Variants in CAMSAP2 observed in about 807,000 individuals in gnomAD.
CAMSAP2 encodes the protein calmodulin-regulated spectrin-associated protein 2.
In CAMSAP2, 26 loss-of-function variants were observed where a neutral mutation model predicts 146.1. That is an observed-to-expected ratio of 0.18 (90% CI 0.13 to 0.25). The LOEUF (loss-of-function observed/expected upper bound fraction) is 0.25. Ranked by LOEUF, CAMSAP2 falls within the 10% of genes least tolerant of loss-of-function variation. The pLI is 1.00. For synonymous variants in CAMSAP2, 499 were observed against 596.6 expected, an observed-to-expected ratio of 0.84 and a Z score of 2.38; for missense variants, 1,381 against 1,759.3, an observed-to-expected ratio of 0.78 and a Z score of 3.85.
chr1:200,753,154 C>T (rs547056291), intron 1 of CAMSAP2, among the ~76,000 whole-genome samples: 27 of 151,896 alleles, frequency 1.8e-4, no homozygotes, highest in Admixed American at 3.3e-4. Flanking sequence ...GCCTGTAGTT[C>T]CAGTTACTTG....
Position 200,853,139 on chromosome 1 carries a change from G to A in CAMSAP2, c.3603-136G>A. On this transcript the variant is annotated intron_variant, in intron 12 of 16. Transcript: ENST00000358823. The surrounding 1 kb of genome is among the most constrained non-coding windows in gnomAD (Gnocchi z 5.1). ...TCCCATGTCTCAGCAGAATCGTCAA[G>A]TACCTTTTAAATGAACCATTTATTC... The A allele has an allele frequency of 1.1e-5, 8 of 745,372 alleles. No homozygotes were observed. In the South Asian group the frequency reaches 1.3e-4, roughly 12 times the overall value. 46.2% of individuals were successfully genotyped at this position (745,372 alleles called of 1,614,324 possible). A position where few individuals can be genotyped will look rare whatever the true frequency, so the allele number is the denominator to read the frequency against.
At chr1:200,816,200 A>G (rs549183081) in intron 4 of CAMSAP2, among the ~76,000 whole-genome samples, 1 of 152,196 alleles carries the variant, frequency 6.6e-6, no homozygotes, top group South Asian at 2.1e-4. Flanking sequence ...AGGCAGGAGA[A>G]TCGCTTAAAC....
rs1193274035 is a variant in CAMSAP2 at position 200,738,943 on chromosome 1, G to GGCGGCGGCA, written c.-877_-876insAGCGGCGGC. Among the ~76,000 whole-genome samples the GGCGGCGGCA allele has an allele frequency of 6.6e-6, 1 of 151,960 alleles. No individual in the cohort carries two copies. Among genetic ancestry groups the GGCGGCGGCA allele is most frequent in the African/African-American group, 2.4e-5 (1 of 41,380 alleles). ...AGTGCCGCAGCCGGAAAACCGCAGCGGCGGCGGCGGCGGCTGAGGGGGAAC... is the reference window on the plus strand; with the variant it reads ...AGTGCCGCAGCCGGAAAACCGCAGCGGCGGCGGCAGCGGCGGCGGCGGCTGAGGGGGAAC... On this transcript the variant is annotated 5_prime_UTR_variant, in exon 1 of 17. Coordinates refer to ENST00000358823, the MANE Select transcript of CAMSAP2 (RefSeq NM_203459.4).
chr1:200,828,510 A>G, intron 4 of CAMSAP2: 1 of 1,473,430 alleles, frequency 6.8e-7, no homozygotes, highest in Non-Finnish European at 9.3e-7. Context: ...AATTGAAGAT[A>G]ATTCTGATGA....
At position 200,739,937 on chromosome 1, in the gene CAMSAP2, C is replaced by G; in HGVS notation, c.110C>G (p.Ala37Gly). The G allele has an allele frequency of 2.5e-6, 4 of 1,614,172 alleles. No individual in the cohort carries two copies. Among genetic ancestry groups the G allele is most frequent in the Non-Finnish European group, 3.4e-6 (4 of 1,180,020 alleles). ...AGGGCCAAAATCGCCTGCAATCTGG[C>G]CTGGCTGGTGGCCAAAGCCTTTGGG... ...FSRAKIACNLAWLVAKAFGTE... is the reference protein window; with the variant it reads ...FSRAKIACNLGWLVAKAFGTE... The change falls in exon 1 of 17, where the codon GCC becomes GGC. Residue 37 changes from alanine (A) to glycine (G), a missense_variant. By Grantham distance (60) the Ala-to-Gly change is moderately conservative. Coordinates refer to ENST00000358823, the MANE Select transcript of CAMSAP2 (RefSeq NM_203459.4). The surrounding 1 kb of genome is among the most constrained non-coding windows in gnomAD (Gnocchi z 4.8).
At chr1:200,763,985 C>T (rs935292364) in intron 2 of CAMSAP2, among the ~76,000 whole-genome samples, 1 of 152,058 alleles carries the variant, frequency 6.6e-6, no homozygotes, top group Non-Finnish European at 1.5e-5. Flanking sequence ...GCAGGAGAAT[C>T]GCTTGAACCT....
intron 6 of CAMSAP2, among the ~76,000 whole-genome samples, chr1:200,839,248 G>A (rs796817614): frequency 2.6e-5 from 4 of 152,202 alleles, no homozygotes; most frequent in African/African-American, 9.7e-5. Flanking sequence ...GGTGACTTGA[G>A]CAGTTGCTGT....
Position 200,849,331 on chromosome 1 carries a change from A to C in CAMSAP2, c.2562A>C (p.Thr854=). 6.2e-7 allele frequency: 1 copy of C among 1,614,088 alleles called. No homozygotes were observed. Among genetic ancestry groups the C allele is most frequent in the South Asian group, 1.1e-5 (1 of 91,078 alleles). ...CCAAATGGCTAAAGTCTCCAACTAC[A>C]CCTATTGATCCTGAGAAGCAGTGGA... ...PQAKWLKSPT[T]PIDPEKQWNL... is the part of the protein sequence containing the mutation. The change falls in exon 11 of 17, where the codon ACA becomes ACC. Residue 854 remains threonine (T), a synonymous_variant. Coordinates refer to ENST00000358823, the MANE Select transcript of CAMSAP2 (RefSeq NM_203459.4). This position sits in a 1 kb window ranked among gnomAD's most constrained non-coding sequence, Gnocchi z 6.3.
intron 1 of CAMSAP2, among the ~76,000 whole-genome samples, chr1:200,745,533 TTAACTAAC>T (rs1311747707): frequency 1.3e-5 from 2 of 152,112 alleles, no homozygotes; most frequent in African/African-American, 4.8e-5. Flanking sequence ...TTTAGAGGAG[TTAACTAAC>T]TTGCCCTTGA....
chr1:200,790,977 TGG>T (rs1665736214), intron 2 of CAMSAP2, among the ~76,000 whole-genome samples: 1 of 152,122 alleles, frequency 6.6e-6, no homozygotes, highest in South Asian at 2.1e-4. Flanking sequence ...CCCAAATAGC[TGG>T]GATTACAGGC....
At chr1:200,817,203 T>C (rs192318870) in intron 4 of CAMSAP2, among the ~76,000 whole-genome samples, 3 of 99,728 alleles carry the variant, frequency 3.0e-5, no homozygotes, top group African/African-American at 8.7e-5. Flanking sequence ...TGTGTGTGTA[T>C]ACACACATAC....
chr1:200,786,782 T>C (rs1665605079), intron 2 of CAMSAP2, among the ~76,000 whole-genome samples: 1 of 152,314 alleles, frequency 6.6e-6, no homozygotes, highest in South Asian at 2.1e-4. Flanking sequence ...CTGGCTTCAG[T>C]GCTTCAAAGG....
At chr1:200,740,051 C>G in intron 1 of CAMSAP2, 85 bp downstream of exon 1, 1 of 1,448,596 alleles carries the variant, frequency 6.9e-7, no homozygotes, top group Non-Finnish European at 9.6e-7. Context: ...GAATCCCTCC[C>G]TCCCCGTGCC....
intron 2 of CAMSAP2, among the ~76,000 whole-genome samples, chr1:200,801,266 G>GA (rs397816350): frequency 0.18 from 26,196 of 141,618 alleles, 2,949 homozygotes; most frequent in East Asian, 0.36. Flanking sequence ...CCATCTCAAA[G>GA]AAAAAAAAAA....
intron 1 of CAMSAP2, among the ~76,000 whole-genome samples, chr1:200,747,859 C>T (rs1664381005): frequency 6.6e-6 from 1 of 151,366 alleles, no homozygotes; most frequent in South Asian, 2.1e-4. Context: ...TAGTGGCGGG[C>T]GCCTGTAGTC....
At chr1:200,817,689 TTCTG>T (rs1373355365) in intron 4 of CAMSAP2, among the ~76,000 whole-genome samples, 4 of 152,220 alleles carry the variant, frequency 2.6e-5, no homozygotes, top group Non-Finnish European at 5.9e-5. Context: ...AGCGAAGCTG[TTCTG>T]TCTCTTATCA....
chr1:200,851,268 T>C (rs566842545), intron 11 of CAMSAP2, among the ~76,000 whole-genome samples: 3 of 152,278 alleles, frequency 2.0e-5, no homozygotes, highest in African/African-American at 7.2e-5. Context: ...TGGCGCAATC[T>C]CGGCTTACCA....
chr1:200,826,168 C>G (rs1246282633), intron 4 of CAMSAP2, among the ~76,000 whole-genome samples: 1 of 152,076 alleles, frequency 6.6e-6, no homozygotes, highest in Non-Finnish European at 1.5e-5. Context: ...TGGTGGCTCA[C>G]ACTTGTAATC....
intron 1 of CAMSAP2, among the ~76,000 whole-genome samples, chr1:200,753,465 C>T (rs1664565947): frequency 6.6e-6 from 1 of 152,112 alleles, no homozygotes; most frequent in South Asian, 2.1e-4. Flanking sequence ...CTTTGTGTTC[C>T]TCTTTACTCT....
Sources: allele counts gnomAD v4.1 joint callset (sites outside exome capture counted in the v4.1 genomes callset), GRCh38; gene constraint gnomAD v4.1.1; non-coding constraint Gnocchi (gnomAD v3.1); transcripts MANE v1.5; gene names NCBI Gene and HGNC (gene_info 2026-07-23, HGNC 2026-07-21).